Variants in AGTPBP1 observed in about 807,000 individuals in gnomAD.
AGTPBP1 encodes ATP/GTP binding carboxypeptidase 1.
AGTPBP1 carries 70 observed loss-of-function variants against 143.9 expected under a neutral mutation model. The observed-to-expected ratio is 0.49, with a 90% CI of 0.40 to 0.59. AGTPBP1 has a LOEUF of 0.59. Ranked by LOEUF, AGTPBP1 falls within the 20% of genes least tolerant of loss-of-function variation. The probability of loss-of-function intolerance (pLI) is 0.00; values close to 1 mark genes in which losing one functional copy is unlikely to be tolerated. For synonymous variants in AGTPBP1, 463 were observed against 500.2 expected, an observed-to-expected ratio of 0.93 and a Z score of 0.99; for missense variants, 1,229 against 1,464.5, an observed-to-expected ratio of 0.84 and a Z score of 2.62.
chr9:85,740,483 T>C (rs1206085801), intron 1 of AGTPBP1, among the ~76,000 whole-genome samples: 2 of 152,266 alleles, frequency 1.3e-5, no homozygotes, highest in Non-Finnish European at 2.9e-5. Context: ...TTTCAGAGTT[T>C]TGTTTGGTTT....
At chr9:85,801,680 T>C in the AGTPBP1 span, among the ~76,000 whole-genome samples, 1 of 152,098 alleles carries the variant, frequency 6.6e-6, no homozygotes, top group Non-Finnish European at 1.5e-5. Flanking sequence ...ATTTGAGAGG[T>C]CAGAGAGAAG....
intron 18 of AGTPBP1, among the ~76,000 whole-genome samples, chr9:85,593,845 G>A (rs1323388199): frequency 6.6e-6 from 1 of 152,084 alleles, no homozygotes; most frequent in East Asian, 1.9e-4. Flanking sequence ...TCGAAATACT[G>A]CTGACATATG....
chr9:85,745,116 G>C (rs1824565642), upstream of AGTPBP1, among the ~76,000 whole-genome samples: 4 of 152,230 alleles, frequency 2.6e-5, no homozygotes. Context: ...CATGGGGAGA[G>C]AGAGGTGAAC....
At chr9:85,715,665 G>A (rs1486186783) in intron 1 of AGTPBP1, among the ~76,000 whole-genome samples, 4 of 152,130 alleles carry the variant, frequency 2.6e-5, no homozygotes, top group African/African-American at 9.7e-5. Context: ...TCCTAAAGTA[G>A]GCCAGTGTAT....
intron 1 of AGTPBP1, among the ~76,000 whole-genome samples, chr9:85,723,997 A>G (rs1253193418): frequency 2.6e-5 from 4 of 152,162 alleles, no homozygotes; most frequent in African/African-American, 9.7e-5. Context: ...TGTTAGAAAT[A>G]AACATCTGGC....
chr9:85,587,438 G>C (rs779487037), intron 21 of AGTPBP1, among the ~76,000 whole-genome samples: 6 of 151,968 alleles, frequency 3.9e-5, no homozygotes, highest in Non-Finnish European at 8.8e-5. Flanking sequence ...ATACCTTTTT[G>C]TTTATTTACG....
At position 85,621,257 on chromosome 9, in the gene AGTPBP1, G is replaced by A. The variant is rs749981333; in HGVS notation, c.2044C>T (p.Leu682=). 6.9e-7 allele frequency: 1 copy of A among 1,449,988 alleles called. No individual in the cohort carries two copies. The highest frequency in any genetic ancestry group is 9.1e-7 in the Non-Finnish European group (1 of 1,104,454). 89.8% of individuals were successfully genotyped at this position (1,449,988 alleles called of 1,614,324 possible). The change falls in exon 15 of 26, where the codon CTA becomes TTA. Residue 682 remains leucine, a synonymous_variant. Transcript: ENST00000357081. ...TCTATGATATCACTCTGATGTATTA[G>A]CCTTTCAATATCTTGAGCAATTTTT... is the stretch of plus-strand genomic sequence containing the variant. The part of the protein sequence containing the change: ...RTKIAQDIER[L]IHQSDIIDRV...
intron 2 of AGTPBP1, among the ~76,000 whole-genome samples, chr9:85,698,887 G>A (rs1245136292): frequency 6.6e-6 from 1 of 151,434 alleles, no homozygotes; most frequent in Non-Finnish European, 1.5e-5. Context: ...TAAAGATGGA[G>A]TTTCACTGTG....
chr9:85,695,790 A>C (rs890226071), intron 2 of AGTPBP1, among the ~76,000 whole-genome samples: 1 of 152,178 alleles, frequency 6.6e-6, no homozygotes, highest in Non-Finnish European at 1.5e-5. Context: ...CGATGGACAA[A>C]CAATGATTAT....
intron 6 of AGTPBP1, among the ~76,000 whole-genome samples, chr9:85,676,436 G>T (rs1381772345): frequency 6.6e-6 from 1 of 151,724 alleles, no homozygotes; most frequent in East Asian, 1.9e-4. Context: ...ATGGGCAATG[G>T]GTATAGATAA....
At chr9:85,563,991 C>T (rs1349441563) in intron 25 of AGTPBP1, among the ~76,000 whole-genome samples, 1 of 152,224 alleles carries the variant, frequency 6.6e-6, no homozygotes, top group Non-Finnish European at 1.5e-5. Flanking sequence ...AATTCACCAG[C>T]CTGGGAAGCA....
chr9:85,586,064 T>G (rs1274155039), intron 22 of AGTPBP1, among the ~76,000 whole-genome samples: 3 of 151,974 alleles, frequency 2.0e-5, no homozygotes, highest in African/African-American at 7.3e-5. Flanking sequence ...AATACAAAAA[T>G]TAGCTGGGCG....
At chr9:85,648,740 A>C (rs1185924166) in intron 11 of AGTPBP1, among the ~76,000 whole-genome samples, 1 of 152,110 alleles carries the variant, frequency 6.6e-6, no homozygotes, top group African/African-American at 2.4e-5. Flanking sequence ...TGAACCCGGG[A>C]GGTGGAGCTT....
intron 17 of AGTPBP1, among the ~76,000 whole-genome samples, chr9:85,611,490 G>A (rs1830316058): frequency 6.6e-6 from 1 of 151,788 alleles, no homozygotes; most frequent in South Asian, 2.1e-4. Context: ...AAAGGAAAAT[G>A]GAAAACTTAC....
chr9:85,730,704 G>C (rs1241023372), intron 1 of AGTPBP1, among the ~76,000 whole-genome samples: 1 of 152,088 alleles, frequency 6.6e-6, no homozygotes, highest in Non-Finnish European at 1.5e-5. Context: ...TTTCCAATAA[G>C]ATCTAAGTTC....
intron 17 of AGTPBP1, among the ~76,000 whole-genome samples, chr9:85,599,969 T>A (rs190630423): frequency 3.3e-4 from 51 of 152,326 alleles, no homozygotes; most frequent in African/African-American, 9.6e-4. Flanking sequence ...CTGGCCAGAC[T>A]ATTAACCACT....
intron 25 of AGTPBP1, among the ~76,000 whole-genome samples, chr9:85,562,480 T>C (rs1237600053): frequency 6.6e-6 from 1 of 152,234 alleles, no homozygotes; most frequent in Non-Finnish European, 1.5e-5. Flanking sequence ...CTGTCAAATT[T>C]GTAATATTAA....
chr9:85,791,773 T>C, the AGTPBP1 span, among the ~76,000 whole-genome samples: 2 of 152,066 alleles, frequency 1.3e-5, no homozygotes, highest in Non-Finnish European at 2.9e-5. Flanking sequence ...GTTTTTATTT[T>C]TCATACTGGT....
intron 2 of AGTPBP1, among the ~76,000 whole-genome samples, chr9:85,710,600 A>C (rs1186456663): frequency 2.0e-5 from 3 of 152,138 alleles, no homozygotes; most frequent in African/African-American, 4.8e-5. Context: ...TTCACAGAGC[A>C]GTATGACAAG....
Sources: gnomAD v4.1 joint callset for allele counts (sites outside exome capture counted in the v4.1 genomes callset) on GRCh38, gnomAD v4.1.1 for gene constraint, MANE v1.5 for transcripts, NCBI Gene and HGNC (gene_info 2026-07-23, HGNC 2026-07-21) for gene names.